The following CSNK2A2IP variants were observed in gnomAD, a reference collection of about 807,000 sequenced individuals.
The protein encoded by CSNK2A2IP is casein kinase II subunit alpha'-interacting protein.
the CSNK2A2IP span, chr3:88,467,323 A>G: frequency 1.0e-5 from 4 of 399,044 alleles, no homozygotes; most frequent in African/African-American, 6.2e-5. Context: ...CTCTCCTTCC[A>G]AAGAGTTTAT....
the CSNK2A2IP span, among the ~76,000 whole-genome samples, chr3:88,435,773 T>G: frequency 6.9e-6 from 1 of 144,974 alleles, no homozygotes; most frequent in Non-Finnish European, 1.5e-5. Flanking sequence ...AGTTTTCTCT[T>G]AGCTAAATAA....
At chr3:88,425,235 G>A in the CSNK2A2IP span, among the ~76,000 whole-genome samples, 1 of 151,990 alleles carries the variant, frequency 6.6e-6, no homozygotes, top group Admixed American at 6.6e-5. Flanking sequence ...ACTTATATTT[G>A]AAAATATTTT....
the CSNK2A2IP span, among the ~76,000 whole-genome samples, chr3:88,398,883 C>T: frequency 2.6e-5 from 4 of 152,096 alleles, no homozygotes; most frequent in African/African-American, 9.7e-5. Context: ...TTCACAGTCT[C>T]TTGCACATAT....
At chr3:88,442,276 G>A in the CSNK2A2IP span, among the ~76,000 whole-genome samples, 5 of 152,144 alleles carry the variant, frequency 3.3e-5, no homozygotes, top group African/African-American at 1.2e-4. Context: ...CTGGCCTCAA[G>A]TGATGCTCCT....
the CSNK2A2IP span, among the ~76,000 whole-genome samples, chr3:88,446,247 C>T: frequency 2.3e-4 from 35 of 152,044 alleles, no homozygotes; most frequent in African/African-American, 7.7e-4. Flanking sequence ...TGCCACTACG[C>T]CCAGCTAATT....
the CSNK2A2IP span, among the ~76,000 whole-genome samples, chr3:88,373,226 T>C: frequency 1.3e-5 from 2 of 151,434 alleles, no homozygotes; most frequent in African/African-American, 2.4e-5. Flanking sequence ...GACTATATTC[T>C]GAGCAATAAA....
At chr3:88,437,422 T>C in the CSNK2A2IP span, among the ~76,000 whole-genome samples, 1 of 152,220 alleles carries the variant, frequency 6.6e-6, no homozygotes, top group Non-Finnish European at 1.5e-5. Context: ...TAAATGAAAG[T>C]GACTGTATTT....
At chr3:88,460,273 T>C in the CSNK2A2IP span, among the ~76,000 whole-genome samples, 1 of 152,208 alleles carries the variant, frequency 6.6e-6, no homozygotes, top group Non-Finnish European at 1.5e-5. Flanking sequence ...ATACTTTCTT[T>C]GAAATGGAAG....
the CSNK2A2IP span, among the ~76,000 whole-genome samples, chr3:88,434,772 A>G: frequency 1.0e-3 from 158 of 152,290 alleles, no homozygotes; most frequent in Non-Finnish European, 1.2e-3. Context: ...ATGGTGGGGC[A>G]TGGACATTTA....
chr3:88,351,965 A>G, the CSNK2A2IP span, among the ~76,000 whole-genome samples: 1 of 152,088 alleles, frequency 6.6e-6, no homozygotes, highest in South Asian at 2.1e-4. Context: ...ATAGCATTAA[A>G]ACGTTTATTA....
chr3:88,378,937 T>C, the CSNK2A2IP span, among the ~76,000 whole-genome samples: 1 of 152,060 alleles, frequency 6.6e-6, no homozygotes, highest in Non-Finnish European at 1.5e-5. Context: ...TTCAAGATAA[T>C]AACAAACATA....
the CSNK2A2IP span, among the ~76,000 whole-genome samples, chr3:88,455,759 TA>T: frequency 2.0e-5 from 3 of 151,954 alleles, no homozygotes; most frequent in African/African-American, 4.8e-5. Flanking sequence ...TGGCATCATA[TA>T]AAAAAATCAT....
chr3:88,352,203 ACTCT>A, the CSNK2A2IP span, among the ~76,000 whole-genome samples: 12 of 152,100 alleles, frequency 7.9e-5, no homozygotes, highest in South Asian at 2.1e-4. Flanking sequence ...GTTCATGTTA[ACTCT>A]CTCTCTCATC....
the CSNK2A2IP span, among the ~76,000 whole-genome samples, chr3:88,428,741 T>C: frequency 1.3e-5 from 2 of 152,166 alleles, no homozygotes; most frequent in African/African-American, 4.8e-5. Context: ...TTAGTAGCTG[T>C]ATGTTCTTTG....
chr3:88,385,156 A>G, the CSNK2A2IP span, among the ~76,000 whole-genome samples: 2 of 152,194 alleles, frequency 1.3e-5, no homozygotes, highest in Non-Finnish European at 2.9e-5. Flanking sequence ...GACTCAAGGT[A>G]GAATCCTGAT....
the CSNK2A2IP span, among the ~76,000 whole-genome samples, chr3:88,449,840 CACACACACACACACATAT>C: frequency 1.2e-4 from 10 of 85,598 alleles, no homozygotes; most frequent in East Asian, 2.1e-3. Context: ...CACACACACA[CACACACACACACACATAT>C]ATATATATAT....
At chr3:88,422,519 A>C in the CSNK2A2IP span, among the ~76,000 whole-genome samples, 2 of 152,222 alleles carry the variant, frequency 1.3e-5, no homozygotes, top group Non-Finnish European at 2.9e-5. Context: ...CTTGTGGTCC[A>C]AAACAATTAT....
At chr3:88,413,339 A>G in the CSNK2A2IP span, among the ~76,000 whole-genome samples, 1 of 152,004 alleles carries the variant, frequency 6.6e-6, no homozygotes, top group Middle Eastern at 3.2e-3. Flanking sequence ...TGTAACTCTT[A>G]TACACTAAGA....
chr3:88,384,583 T>C, the CSNK2A2IP span, among the ~76,000 whole-genome samples: 2 of 151,990 alleles, frequency 1.3e-5, no homozygotes, highest in Non-Finnish European at 2.9e-5. Context: ...GTAGGAGCCA[T>C]TTTTCCCCAA....
Sources: allele counts gnomAD v4.1 joint callset (sites outside exome capture counted in the v4.1 genomes callset), GRCh38; gene constraint gnomAD v4.1.1; transcripts MANE v1.5; gene names NCBI Gene and HGNC (gene_info 2026-07-23, HGNC 2026-07-21).